Variants in TRIM62 observed in about 807,000 individuals in gnomAD.
TRIM62 encodes tripartite motif containing 62.
In TRIM62, 39 loss-of-function variants were observed where a neutral mutation model predicts 44.2. That is an observed-to-expected ratio of 0.88 (90% CI 0.68 to 1.15). The LOEUF (loss-of-function observed/expected upper bound fraction) is 1.15. Ranked by LOEUF, TRIM62 falls within the 50% of genes most tolerant of loss-of-function variation. The probability of loss-of-function intolerance (pLI) is 0.00; values close to 1 mark genes in which losing one functional copy is unlikely to be tolerated. For synonymous variants in TRIM62, 278 were observed against 292.3 expected (o/e 0.95, Z 0.50); for missense variants, 544 against 665.5 (o/e 0.82, Z 2.01).
chr1:33,153,426 GA>G (rs1645130919), intron 4 of TRIM62, among the ~76,000 whole-genome samples: 1 of 152,230 alleles, frequency 6.6e-6, no homozygotes, highest in African/African-American at 2.4e-5. Context: ...GCTTCCCAGG[GA>G]CATCTGGCAA....
chr1:33,158,453 G>C, intron 3 of TRIM62, 85 bp from the exon 4 acceptor site: 1 of 1,047,076 alleles, frequency 9.6e-7, no homozygotes, highest in Admixed American at 1.8e-5. Context: ...CTTCAGGGCA[G>C]CTGGCATAGG....
rs894027432 is a variant in TRIM62 at position 33,146,801 on chromosome 1, T to A, written c.*376A>T. On this transcript the variant is annotated 3_prime_UTR_variant, in exon 5 of 5. Transcript: ENST00000291416. The stretch of plus-strand genomic sequence containing the variant: ...AGAGGGTGCTGTGTGTCTTTCGGGC[T>A]GCCAACTACTGGCCATGCTCTGACA... The A allele has an allele frequency of 1.5e-4, 43 of 284,316 alleles. No homozygotes were observed. The highest frequency in any genetic ancestry group is 2.0e-4 in the Non-Finnish European group (30 of 147,950). The allele number at this position is 284,316 out of a possible 1,614,324, so 17.6% of individuals were successfully genotyped here.
intron 4 of TRIM62, among the ~76,000 whole-genome samples, chr1:33,156,031 C>T (rs565851478): frequency 6.6e-6 from 1 of 152,322 alleles, no homozygotes; most frequent in East Asian, 1.9e-4. Flanking sequence ...GGCTTTGGTG[C>T]CCACTTATTC....
At position 33,147,410 on chromosome 1, in the gene TRIM62, C is replaced by A; in HGVS notation, c.1195G>T (p.Ala399Ser). The part of the protein sequence containing the change: ...IVMHDGNQYS[A>S]CTEPWTRLNV... ...AGCCGCGTCCAGGGCTCCGTGCAGG[C>A]GCTGTACTGGTTGCCATCGTGCATC... The change falls in exon 5 of 5, where the codon GCC (alanine) becomes TCC (serine). Residue 399 changes from alanine to serine, a missense_variant. Physicochemically the swap from Ala to Ser is moderately conservative, Grantham distance 99. Coordinates refer to ENST00000291416, the MANE Select transcript of TRIM62 (RefSeq NM_018207.3). This position sits in a 1 kb window ranked among gnomAD's most constrained non-coding sequence, Gnocchi z 8.1. 1 of 1,614,156 alleles carries A rather than the reference C, an allele frequency of 6.2e-7. No individual in the cohort carries two copies. The highest frequency in any genetic ancestry group is 1.1e-5 in the South Asian group (1 of 91,086).
chr1:33,169,483 A>T (rs1645356318), intron 1 of TRIM62, among the ~76,000 whole-genome samples: 1 of 152,112 alleles, frequency 6.6e-6, no homozygotes, highest in Non-Finnish European at 1.5e-5. Context: ...TGCCCTGCAC[A>T]GCAGCTGCAG....
At chr1:33,149,942 C>T (rs1645073817) in intron 4 of TRIM62, among the ~76,000 whole-genome samples, 2 of 152,206 alleles carry the variant, frequency 1.3e-5, no homozygotes, top group African/African-American at 4.8e-5. Context: ...GAAAGACTCA[C>T]CAAATTAAAC....
At position 33,146,751 on chromosome 1, in the gene TRIM62, G is replaced by A. The variant is rs1570278167; in HGVS notation, c.*426C>T. 2 of 205,022 alleles carry A rather than the reference G, an allele frequency of 9.8e-6. No individual in the cohort carries two copies. The highest frequency in any genetic ancestry group is 2.4e-4 in the East Asian group (2 of 8,432). The allele number at this position is 205,022 out of a possible 1,614,324, so 12.7% of individuals were successfully genotyped here. On this transcript the variant is annotated 3_prime_UTR_variant, in exon 5 of 5. Transcript: ENST00000291416. ...ATGGCCCATCACTAGCTTGGTCAGG[G>A]GTAAGTCTTAGGCCATGGGACATAA... is the stretch of plus-strand genomic sequence containing the variant.
At chr1:33,175,254 T>A (rs562475612) in intron 1 of TRIM62, among the ~76,000 whole-genome samples, 26 of 151,870 alleles carry the variant, frequency 1.7e-4, no homozygotes, top group Middle Eastern at 3.4e-3. Context: ...TTCATAATGT[T>A]GGCCAGGCTG....
intron 4 of TRIM62, among the ~76,000 whole-genome samples, chr1:33,152,562 C>T (rs903267159): frequency 4.9e-5 from 7 of 142,686 alleles, no homozygotes; most frequent in African/African-American, 1.6e-4. Flanking sequence ...AGTGAAACTC[C>T]GTCTCAAAAA....
At chr1:33,153,907 C>CA (rs1314778639) in intron 4 of TRIM62, among the ~76,000 whole-genome samples, 1 of 152,240 alleles carries the variant, frequency 6.6e-6, no homozygotes, top group East Asian at 1.9e-4. Flanking sequence ...CTGACCCTCA[C>CA]AGTTCACAGT....
chr1:33,147,840 G>T lies in TRIM62; in HGVS notation c.878-113C>A, dbSNP rs1231189996. Reference sequence around the variant, plus strand: ...TTGGTACGCAGGAGGCCTCTGACCTGCTGTGTGACCTTGAATACAAGTCTG... The same window carrying T: ...TTGGTACGCAGGAGGCCTCTGACCTTCTGTGTGACCTTGAATACAAGTCTG... On this transcript the variant is annotated intron_variant, in intron 4 of 4. Transcript: ENST00000291416. The surrounding 1 kb of genome is among the most constrained non-coding windows in gnomAD (Gnocchi z 8.1). 3.4e-6 allele frequency: 4 copies of T among 1,188,370 alleles called. No homozygotes were observed. The African/African-American group carries it at 4.6e-5, about 14-fold the overall frequency. The allele number at this position is 1,188,370 out of a possible 1,614,324, so 73.6% of individuals were successfully genotyped here. A position where few individuals can be genotyped will look rare whatever the true frequency, so the allele number is the denominator to read the frequency against.
chr1:33,178,858 TC>T (rs1645440599), intron 1 of TRIM62, among the ~76,000 whole-genome samples: 1 of 152,172 alleles, frequency 6.6e-6, no homozygotes, highest in African/African-American at 2.4e-5. Context: ...TTCTCCTGTG[TC>T]CCCCAGGTCA....
chr1:33,154,525 C>T (rs1239717009), intron 4 of TRIM62, among the ~76,000 whole-genome samples: 6 of 148,642 alleles, frequency 4.0e-5, no homozygotes, highest in South Asian at 4.3e-4. Flanking sequence ...TGAGGCTGGG[C>T]GCGGTGGCTC....
Position 33,165,224 on chromosome 1 carries a change from C to T in TRIM62, c.504+247G>A, listed in dbSNP as rs1233945087. 2.8e-5 allele frequency: 11 copies of T among 392,954 alleles called. No homozygotes were observed. The highest frequency in any genetic ancestry group is 4.6e-5 in the Non-Finnish European group (10 of 216,614). The allele number at this position is 392,954 out of a possible 1,614,324, so 24.3% of individuals were successfully genotyped here. ...CAAAGTGGGAAGGGAGAAATGGCCC[C>T]GTCCTTAACCGAGGGACCAGCCCAC... is the stretch of plus-strand genomic sequence containing the variant. On this transcript the variant is annotated intron_variant, in intron 2 of 4. Transcript: ENST00000291416. This position sits in a 1 kb window ranked among gnomAD's most constrained non-coding sequence, Gnocchi z 4.0.
chr1:33,160,361 T>A (rs1456915708), intron 2 of TRIM62, among the ~76,000 whole-genome samples: 1 of 152,014 alleles, frequency 6.6e-6, no homozygotes, highest in Non-Finnish European at 1.5e-5. Flanking sequence ...AGGGTGAAGA[T>A]GTTCTCTCAA....
chr1:33,164,279 A>G (rs1028613758), intron 2 of TRIM62: 7 of 152,392 alleles, frequency 4.6e-5, no homozygotes, highest in Admixed American at 2.6e-4. Context: ...CTGGGTTTCC[A>G]ATGGTGTCTT....
intron 4 of TRIM62, among the ~76,000 whole-genome samples, chr1:33,155,449 A>G (rs1645164927): frequency 1.3e-5 from 2 of 151,824 alleles, no homozygotes; most frequent in Middle Eastern, 3.2e-3. Flanking sequence ...GATGGAAGAA[A>G]CTCTGACCCC....
chr1:33,170,321 TAAA>T (rs10717584), intron 1 of TRIM62, among the ~76,000 whole-genome samples: 1 of 146,756 alleles, frequency 6.8e-6, no homozygotes. Flanking sequence ...CCAGTCTCTT[TAAA>T]AAAAAAAAAA....
chr1:33,180,224 C>T (rs1645450116), intron 1 of TRIM62, among the ~76,000 whole-genome samples: 1 of 152,144 alleles, frequency 6.6e-6, no homozygotes, highest in Admixed American at 6.5e-5. Context: ...TCATCAAAAA[C>T]CTCTAGAGAC....
Sources: gnomAD v4.1 joint callset for allele counts (sites outside exome capture counted in the v4.1 genomes callset) on GRCh38, gnomAD v4.1.1 for gene constraint, Gnocchi (gnomAD v3.1) non-coding constraint, MANE v1.5 for transcripts, NCBI Gene and HGNC (gene_info 2026-07-23, HGNC 2026-07-21) for gene names.